The following SRI variants were observed in gnomAD, a reference collection of about 807,000 sequenced individuals.
SRI encodes 22 kDa protein.
In SRI, 30 loss-of-function variants were observed where a neutral mutation model predicts 33.3. That is an observed-to-expected ratio of 0.90 (90% CI 0.67 to 1.22). SRI has a LOEUF of 1.22. Among genes scored for constraint, SRI ranks in the 50% most tolerant of loss-of-function variants. The probability of loss-of-function intolerance (pLI) is 0.00; values close to 1 mark genes in which losing one functional copy is unlikely to be tolerated. For missense variants in SRI, 243 were observed against 250.8 expected (o/e 0.97, Z 0.21); for synonymous variants, 75 against 89.9 (o/e 0.83, Z 0.94).
At position 88,214,608 on chromosome 7, in the gene SRI, A is replaced by G. The variant is rs181215554; in HGVS notation, c.205+2514T>C. 1.1e-3 allele frequency among the ~76,000 whole-genome samples: 172 copies of G among 151,720 alleles called. 2 individuals carry two copies. The East Asian group carries it at 0.025, about 22-fold the overall frequency. The stretch of plus-strand genomic sequence containing the variant: ...AATAATATAGCTTTTATTAGTGTTA[A>G]TTCTATTTTAAATAATTATTTAAAA... On this transcript the variant is annotated intron_variant, in intron 3 of 7. Coordinates refer to ENST00000265729, the MANE Select transcript of SRI (RefSeq NM_003130.4).
upstream of SRI, among the ~76,000 whole-genome samples, chr7:88,220,802 C>G (rs1348463544): frequency 6.6e-6 from 1 of 152,156 alleles, no homozygotes; most frequent in Non-Finnish European, 1.5e-5. Context: ...ATCCATTTCC[C>G]TAAAAGTATT....
chr7:88,209,301 C>T, intron 6 of SRI, 38 bp downstream of exon 6: 1 of 1,519,622 alleles, frequency 6.6e-7, no homozygotes, highest in Non-Finnish European at 9.1e-7. Context: ...AAAACTGTGT[C>T]TTGGCTTGTG....
chr7:88,216,670 C>G (rs1386766172), intron 3 of SRI: 1 of 174,292 alleles, frequency 5.7e-6, no homozygotes. Flanking sequence ...AGCACCCTAC[C>G]TTGTCCTCTG....
chr7:88,220,688 T>C (rs1357720983), upstream of SRI, among the ~76,000 whole-genome samples: 1 of 152,236 alleles, frequency 6.6e-6, no homozygotes, highest in African/African-American at 2.4e-5. Flanking sequence ...GCGTGACTTG[T>C]GTCCTGAGTA....
chr7:88,215,206 C>T (rs931181703), intron 3 of SRI, among the ~76,000 whole-genome samples: 3 of 152,184 alleles, frequency 2.0e-5, no homozygotes, highest in South Asian at 2.1e-4. Flanking sequence ...TGGTTCAGTA[C>T]GGCCACCAGA....
rs753825820 is a variant in SRI at position 88,209,952 on chromosome 7, T to C, written c.397+31A>G. On this transcript the variant is annotated intron_variant, in intron 5 of 7. Transcript: ENST00000265729. ...ATAAAAATCAACTTACTTCTACCAATGAATGGAGAGTTCTAGTAAGCCATA... is the reference window on the plus strand; with the variant it reads ...ATAAAAATCAACTTACTTCTACCAACGAATGGAGAGTTCTAGTAAGCCATA... 7 of 1,613,742 alleles carry C rather than the reference T, an allele frequency of 4.3e-6. No individual in the cohort carries two copies. In the South Asian group the frequency reaches 5.5e-5, roughly 13 times the overall value.
chr7:88,222,182 A>G (rs1316100804), upstream of SRI, among the ~76,000 whole-genome samples: 6 of 150,548 alleles, frequency 4.0e-5, no homozygotes, highest in East Asian at 1.9e-4. Flanking sequence ...AGCATGATTT[A>G]TAGTCCTTTG....
In SRI at chr7:88,208,568, G is replaced by T; in HGVS notation, c.512-3C>A. 1 of 1,613,622 alleles carries T rather than the reference G, an allele frequency of 6.2e-7. No homozygotes were observed. Among genetic ancestry groups the T allele is most frequent in the East Asian group, 2.2e-5 (1 of 44,836 alleles). On this transcript the variant is annotated splice_polypyrimidine_tract_variant and splice_region_variant and intron_variant, in intron 6 of 7. Coordinates refer to ENST00000265729, the MANE Select transcript of SRI (RefSeq NM_003130.4). ...AGTATCCCGTCTTCGAAAGCTGTCTGTAAAACAACACAGTAAAATTTATGG... is the reference window on the plus strand; with the variant it reads ...AGTATCCCGTCTTCGAAAGCTGTCTTTAAAACAACACAGTAAAATTTATGG...
intron 3 of SRI, among the ~76,000 whole-genome samples, chr7:88,215,948 A>T (rs1428771912): frequency 6.6e-6 from 1 of 152,204 alleles, no homozygotes; most frequent in African/African-American, 2.4e-5. Context: ...ACCACTTCAT[A>T]TGTGTTGGAT....
In SRI at chr7:88,209,998, C is replaced by T. The variant is rs140836534; in HGVS notation, c.382G>A (p.Ala128Thr). 33 of 1,614,038 alleles carry T rather than the reference C, an allele frequency of 2.0e-5. No individual in the cohort carries two copies. Among genetic ancestry groups the T allele is most frequent in the Non-Finnish European group, 2.5e-5 (29 of 1,180,038 alleles). The change falls in exon 5 of 8, where the codon GCC becomes ACC. Residue 128 changes from alanine to threonine, a missense_variant. By Grantham distance (58) the Ala-to-Thr change is moderately conservative. Transcript: ENST00000265729. ...CCATACCTACCCATTGTTGTCAGGG[C>T]CTTCTGCAATTCTTGTGGGTCTACT... The part of the protein sequence containing the change: ...GTVDPQELQK[A>T]LTTMGFRLSP...
chr7:88,221,597 T>A (rs1213817731), upstream of SRI, among the ~76,000 whole-genome samples: 1 of 152,246 alleles, frequency 6.6e-6, no homozygotes, highest in East Asian at 1.9e-4. Context: ...TTTTAAGTAC[T>A]GCAGAATTAG....
At chr7:88,224,034 CT>C (rs1392557542), upstream of SRI, among the ~76,000 whole-genome samples, 1 of 152,194 alleles carries the variant, frequency 6.6e-6, no homozygotes, top group African/African-American at 2.4e-5. Flanking sequence ...AGAAACCTTT[CT>C]GATCATATAC....
At chr7:88,226,807 T>C (rs1424349169) in intron 1 of SRI, 162 of 1,277,710 alleles carry the variant, frequency 1.3e-4, no homozygotes, top group Non-Finnish European at 1.7e-4. Context: ...CATGGATCAG[T>C]AGAACTACAA....
intron 2 of SRI, 45 bp from the exon 3 acceptor site, chr7:88,217,236 T>C (rs1235957972): frequency 6.6e-7 from 1 of 1,511,542 alleles, no homozygotes; most frequent in Non-Finnish European, 9.2e-7. Context: ...ATTTGTACTT[T>C]CAAGTTGTTT....
chr7:88,209,364 G>C lies in SRI; in HGVS notation c.486C>G (p.Cys162Trp), dbSNP rs1214138996. 23 of 1,613,880 alleles carry C rather than the reference G, an allele frequency of 1.4e-5. No individual in the cohort carries two copies. Among genetic ancestry groups the C allele is most frequent in the Non-Finnish European group, 1.9e-5 (23 of 1,179,912 alleles). The change falls in exon 6 of 8, where the codon TGC becomes TGG. Residue 162 changes from cysteine to tryptophan, a missense_variant. Coordinates refer to ENST00000265729, the MANE Select transcript of SRI (RefSeq NM_003130.4). ...CTGTAAGAGCCCTCAGTTTGACGCA[G>C]CAGGCGATGTAGTCGTCGAAGGTGA... The part of the protein sequence containing the change: ...GKITFDDYIA[C>W]CVKLRALTDS...
At chr7:88,220,191 TC>T, upstream of SRI, 1 of 1,313,198 alleles carries the variant, frequency 7.6e-7, no homozygotes, top group South Asian at 2.1e-5. Flanking sequence ...CGGCCGTGGC[TC>T]CCCTGCCTGC....
chr7:88,209,625 A>G (rs1343431905), intron 5 of SRI, among the ~76,000 whole-genome samples, 173 bp from the exon 6 acceptor site: 1 of 152,012 alleles, frequency 6.6e-6, no homozygotes, highest in African/African-American at 2.4e-5. Context: ...TTATTTATTT[A>G]TTTATTTACG....
chr7:88,220,866 G>A (rs1032945543), upstream of SRI, among the ~76,000 whole-genome samples: 1 of 152,222 alleles, frequency 6.6e-6, no homozygotes, highest in Non-Finnish European at 1.5e-5. Context: ...GTACTGGTAA[G>A]TATTCAGGAA....
At position 88,218,891 on chromosome 7, in the gene SRI, G is replaced by A; in HGVS notation, c.103C>T (p.Leu35=). Residue 35 remains leucine (L), a synonymous_variant, in exon 2 of 8, where the codon CTG becomes TTG. Transcript: ENST00000265729. ...GCTACAGCAGCAAAGTAACCATACA[G>A]CGGATCCTGAGTTTGTCCGGGAAAC... The part of the protein sequence containing the change: ...PAFPGQTQDP[L]YGYFAAVAGQ... The A allele has an allele frequency of 1.2e-6, 2 of 1,614,056 alleles. No individual in the cohort carries two copies. The highest frequency in any genetic ancestry group is 1.7e-6 in the Non-Finnish European group (2 of 1,179,994).
Sources: gnomAD v4.1 joint callset for allele counts (sites outside exome capture counted in the v4.1 genomes callset) on GRCh38, gnomAD v4.1.1 for gene constraint, MANE v1.5 for transcripts, NCBI Gene and HGNC (gene_info 2026-07-23, HGNC 2026-07-21) for gene names.